Variants in HYOU1 observed in about 807,000 individuals in gnomAD.
HYOU1 encodes hypoxia up-regulated protein 1.
A neutral mutation model predicts 120.5 loss-of-function variants in HYOU1; 40 were observed. That is an observed-to-expected ratio of 0.33 (90% CI 0.26 to 0.43). The LOEUF (loss-of-function observed/expected upper bound fraction) is 0.43, where lower values mean the gene tolerates loss of function less well. Ranked by LOEUF, HYOU1 falls within the 20% of genes least tolerant of loss-of-function variation. The probability of loss-of-function intolerance (pLI) is 1.00; values close to 1 mark genes in which losing one functional copy is unlikely to be tolerated. For missense variants in HYOU1, 1,085 were observed against 1,278.3 expected (o/e 0.85, Z 2.31); for synonymous variants, 501 against 479.4 (o/e 1.05, Z -0.59).
rs191689789 is a variant in HYOU1 at position 119,046,655 on chromosome 11, G to A, written c.2743C>T (p.Arg915Trp). ...CCATTCTTGTCCTTAGGCCGGGGCC[G>A]GGGCTTGGTAAACTTGGCCTTATTG... ...LLNKAKFTKP[R>W]PRPKDKNGTR... The change falls in exon 23 of 26, where the codon CGG (arginine) becomes TGG (tryptophan). Residue 915 changes from arginine to tryptophan, a missense_variant. Arg to Trp is a moderately radical substitution (Grantham distance 101). This residue lies in a region of HYOU1 where 516 missense variants were observed against 517.1 expected (regional missense o/e 1.00). Coordinates refer to ENST00000617285, the MANE Select transcript of HYOU1 (RefSeq NM_006389.5). The A allele has an allele frequency of 1.1e-5, 18 of 1,614,182 alleles. No homozygotes were observed. Among genetic ancestry groups the A allele is most frequent in the African/African-American group, 4.0e-5 (3 of 75,056 alleles).
Position 119,051,531 on chromosome 11 carries a change from T to C in HYOU1, c.1433A>G (p.Gln478Arg). The change falls in exon 13 of 26, where the codon CAA becomes CGA. Residue 478 changes from glutamine (Q) to arginine (R), a missense_variant. Gln to Arg is a conservative substitution (Grantham distance 43). Transcript: ENST00000617285. The surrounding 1 kb of genome is among the most constrained non-coding windows in gnomAD (Gnocchi z 4.2). The part of the protein sequence containing the change: ...VLFSRMGPYP[Q>R]RKVITFNRYS... ...GCGGTTAAAGGTGATGACTTTGCGT[T>C]GAGGGTAGGGCCCCATCCGAGAGAA... is the stretch of plus-strand genomic sequence containing the variant. 2 of 1,614,170 alleles carry C rather than the reference T, an allele frequency of 1.2e-6. No homozygotes were observed. Among genetic ancestry groups the C allele is most frequent in the South Asian group, 2.2e-5 (2 of 91,074 alleles).
chr11:119,054,300 A>T, intron 7 of HYOU1, 64 bp from the exon 8 acceptor site: 1 of 1,352,754 alleles, frequency 7.4e-7, no homozygotes, highest in Non-Finnish European at 1.1e-6. Flanking sequence ...CTGCCTGCCC[A>T]CCCACCTGCT....
In HYOU1 at chr11:119,048,459, G is replaced by A. The variant is rs1164677870; in HGVS notation, c.2253+17C>T. On this transcript the variant is annotated intron_variant, in intron 19 of 25. Coordinates refer to ENST00000617285, the MANE Select transcript of HYOU1 (RefSeq NM_006389.5). The surrounding 1 kb of genome is among the most constrained non-coding windows in gnomAD (Gnocchi z 4.7). The stretch of plus-strand genomic sequence containing the variant: ...GTGTAAGCCCAGTGGGGGGGCTGCT[G>A]CCTCCTGCCCACTGACCTGGGTCTC... 1 of 1,613,440 alleles carries A rather than the reference G, an allele frequency of 6.2e-7. No homozygotes were observed. The highest frequency in any genetic ancestry group is 1.3e-5 in the African/African-American group (1 of 74,922).
In HYOU1 at chr11:119,052,451, C is replaced by T. The variant is rs1263107973; in HGVS notation, c.988-22G>A. 1.9e-6 allele frequency: 3 copies of T among 1,613,934 alleles called. No individual in the cohort carries two copies. Among genetic ancestry groups the T allele is most frequent in the Non-Finnish European group, 2.5e-6 (3 of 1,180,010 alleles). Reference sequence around the variant, plus strand: ...CAATCTGGGAGAGGATGGGGACTGTCAGGGGGTTCTTGCCCAGCTCCCGCT... The same window carrying T: ...CAATCTGGGAGAGGATGGGGACTGTTAGGGGGTTCTTGCCCAGCTCCCGCT... On this transcript the variant is annotated intron_variant, in intron 9 of 25. Coordinates refer to ENST00000617285, the MANE Select transcript of HYOU1 (RefSeq NM_006389.5). The surrounding 1 kb of genome is among the most constrained non-coding windows in gnomAD (Gnocchi z 5.0).
At chr11:119,045,935 A>G (rs1592130337) in intron 24 of HYOU1, 104 bp from the exon 25 acceptor site, 7 of 1,102,714 alleles carry the variant, frequency 6.3e-6, no homozygotes, top group Non-Finnish European at 9.5e-6. Flanking sequence ...ATATTTTAGG[A>G]TGCATGTACC....
Position 119,045,652 on chromosome 11 carries a change from G to C in HYOU1, c.2941C>G (p.Pro981Ala). ...CCTGTCGATTGTTCTTTCTGTTCAG[G>C]TTCTGTTGGGAGTTTGGGGGAGCAA... ...PLELGGPGAE[P>A]EQKEQSTGQK... Residue 981 changes from proline (P) to alanine (A), a missense_variant and splice_region_variant, in exon 26 of 26, where the codon CCT becomes GCT. This residue lies in a region of HYOU1 where 516 missense variants were observed against 517.1 expected (regional missense o/e 1.00). Transcript: ENST00000617285. 1 of 1,614,194 alleles carries C rather than the reference G, an allele frequency of 6.2e-7. No individual in the cohort carries two copies. The highest frequency in any genetic ancestry group is 1.7e-5 in the Admixed American group (1 of 60,022).
At position 119,044,802 on chromosome 11, in the gene HYOU1, A is replaced by ATC. The variant is rs1488942324; in HGVS notation, c.*790_*791insGA. ...CTGCTGGGAAGATGCAGATTATGAC[A>ATC]GAGCTTGCACGATGCTGGCACCCCA... On this transcript the variant is annotated 3_prime_UTR_variant, in exon 26 of 26. Coordinates refer to ENST00000617285, the MANE Select transcript of HYOU1 (RefSeq NM_006389.5). The ATC allele has an allele frequency of 2.5e-5, 6 of 236,334 alleles. No homozygotes were observed. Among genetic ancestry groups the ATC allele is most frequent in the African/African-American group, 1.3e-4 (6 of 45,198 alleles). 14.6% of individuals were successfully genotyped at this position (236,334 alleles called of 1,614,324 possible). A position where few individuals can be genotyped will look rare whatever the true frequency, so the allele number is the denominator to read the frequency against.
At position 119,055,576 on chromosome 11, in the gene HYOU1, G is replaced by T. The variant is rs1246921519; in HGVS notation, c.186-5C>A. 1 of 1,613,770 alleles carries T rather than the reference G, an allele frequency of 6.2e-7. No individual in the cohort carries two copies. The highest frequency in any genetic ancestry group is 1.3e-5 in the African/African-American group (1 of 74,874). ...GGTGTTTTCCTCCGAGATTCCCTGA[G>T]GAAAAGAGATTTTGGGCCCAGGTGC... On this transcript the variant is annotated splice_region_variant and splice_polypyrimidine_tract_variant and intron_variant, in intron 3 of 25. Coordinates refer to ENST00000617285, the MANE Select transcript of HYOU1 (RefSeq NM_006389.5). The surrounding 1 kb of genome is among the most constrained non-coding windows in gnomAD (Gnocchi z 4.0).
At chr11:119,053,146 A>C in intron 8 of HYOU1, 10 of 293,066 alleles carry the variant, frequency 3.4e-5, no homozygotes, top group East Asian at 7.0e-5. Context: ...AATCACACAA[A>C]TGTGAAATTA....
chr11:119,055,530 T>G lies in HYOU1; in HGVS notation c.227A>C (p.Glu76Ala). 6.2e-7 allele frequency: 1 copy of G among 1,614,140 alleles called. No individual in the cohort carries two copies. The highest frequency in any genetic ancestry group is 8.5e-7 in the Non-Finnish European group (1 of 1,180,018). The change falls in exon 4 of 26, where the codon GAA (glutamate) becomes GCA (alanine). Residue 76 changes from glutamate (E) to alanine (A), a missense_variant. This residue lies in a region of HYOU1 where 515 missense variants were observed against 677.8 expected (regional missense o/e 0.76). Transcript: ENST00000617285. This position sits in a 1 kb window ranked among gnomAD's most constrained non-coding sequence, Gnocchi z 4.0. ...RKTPVIVTLK[E>A]NERFFGDSAA... ...ACTGTCTCCAAAGAATCTTTCATTT[T>G]CTTTCAGGGTCACGATCACCGGTGT...
rs1436466286 is a variant in HYOU1 at position 119,056,090 on chromosome 11, G to A, written c.71C>T (p.Ala24Val). 1.9e-6 allele frequency: 3 copies of A among 1,613,880 alleles called. 1 individual carries two copies. Among genetic ancestry groups the A allele is most frequent in the South Asian group, 2.2e-5 (2 of 91,084 alleles). ...VCWALVAVLLADLLALSDTLA... is the reference protein window; with the variant it reads ...VCWALVAVLLVDLLALSDTLA... ...CATACCACTCAGTGCCAACAGGTCT[G>A]CCAAGAGCACAGCCACCAAGGCCCA... is the stretch of plus-strand genomic sequence containing the variant. Residue 24 changes from alanine to valine, a missense_variant, in exon 2 of 26, where the codon GCA (alanine) becomes GTA (valine). Ala to Val is a moderately conservative substitution (Grantham distance 64). Around this residue, in one of 4 missense-constraint regions of HYOU1, gnomAD observed 45 missense variants for 49.2 expected, o/e 0.91. Coordinates refer to ENST00000617285, the MANE Select transcript of HYOU1 (RefSeq NM_006389.5).
rs2133552216 is a variant in HYOU1, at chr11:119,046,673, C to T, written c.2725G>A (p.Ala909Thr). The change falls in exon 23 of 26, where the codon GCC (alanine) becomes ACC (threonine). Residue 909 changes from alanine to threonine, a missense_variant. Ala to Thr is a moderately conservative substitution (Grantham distance 58, BLOSUM62 0). Coordinates refer to ENST00000617285, the MANE Select transcript of HYOU1 (RefSeq NM_006389.5). ...CGGGGCCGGGGCTTGGTAAACTTGGCCTTATTGAGCAGATACTGCACCTCT... is the reference window on the plus strand; with the variant it reads ...CGGGGCCGGGGCTTGGTAAACTTGGTCTTATTGAGCAGATACTGCACCTCT... ...DREVQYLLNK[A>T]KFTKPRPRPK... 6.2e-7 allele frequency: 1 copy of T among 1,614,094 alleles called. No individual in the cohort carries two copies. The highest frequency in any genetic ancestry group is 8.5e-7 in the Non-Finnish European group (1 of 1,180,034).
rs2133557677 is a variant in HYOU1 at position 119,047,710 on chromosome 11, G to A, written c.2595+24C>T. 3.2e-6 allele frequency: 5 copies of A among 1,584,488 alleles called. No individual in the cohort carries two copies. In the South Asian group the frequency reaches 5.5e-5, roughly 18 times the overall value. On this transcript the variant is annotated intron_variant, in intron 22 of 25. Coordinates refer to ENST00000617285, the MANE Select transcript of HYOU1 (RefSeq NM_006389.5). ...ACCTAGGATGGCAGCTAAGTATCTG[G>A]TTAAGTATTTACGAAGTGATTACCC...
intron 25 of HYOU1, 23 bp downstream of exon 25, chr11:119,045,758 C>G (rs2133544393): frequency 6.2e-7 from 1 of 1,613,512 alleles, no homozygotes; most frequent in Non-Finnish European, 8.5e-7. Flanking sequence ...GGCTTCCCAC[C>G]GTAGCCCCGG....
At position 119,045,472 on chromosome 11, in the gene HYOU1, A is replaced by T; in HGVS notation, c.*121T>A. ...CCCCTTCTCCACACCTCCAAATCAC[A>T]GGGGTGAGAAAGGAACTCCAGCCGA... On this transcript the variant is annotated 3_prime_UTR_variant, in exon 26 of 26. Transcript: ENST00000617285. 1 of 862,212 alleles carries T rather than the reference A, an allele frequency of 1.2e-6. No individual in the cohort carries two copies. The highest frequency in any genetic ancestry group is 2.0e-6 in the Non-Finnish European group (1 of 502,860). The allele number at this position is 862,212 out of a possible 1,614,324, so 53.4% of individuals were successfully genotyped here. A position where few individuals can be genotyped will look rare whatever the true frequency, so the allele number is the denominator to read the frequency against.
rs1377208028 is a variant in HYOU1, at chr11:119,048,870, G to A, written c.2009C>T (p.Ala670Val). 2 of 1,607,618 alleles carry A rather than the reference G, an allele frequency of 1.2e-6. No homozygotes were observed. The highest frequency in any genetic ancestry group is 1.1e-5 in the South Asian group (1 of 90,328). ...AGCGACGCCCTCAGGCCCTGCCTCT[G>A]CCTTCTCACTTGGTTTCTGGGTGGG... ...KSEAQKPSEK[A>V]EAGPEGVAPA... is the part of the protein sequence containing the mutation. The change falls in exon 18 of 26, where the codon GCA becomes GTA. Residue 670 changes from alanine (A) to valine (V), a missense_variant. Around this residue, in one of 4 missense-constraint regions of HYOU1, gnomAD observed 516 missense variants for 517.1 expected, o/e 1.00. Transcript: ENST00000617285. The surrounding 1 kb of genome is among the most constrained non-coding windows in gnomAD (Gnocchi z 4.7).
intron 8 of HYOU1, 173 bp downstream of exon 8, chr11:119,053,946 CCT>C (rs1944603694): frequency 3.6e-6 from 2 of 556,636 alleles, no homozygotes; most frequent in African/African-American, 1.9e-5. Flanking sequence ...ACTGTCCTCC[CCT>C]GAGCCTCAGC....
At position 119,046,715 on chromosome 11, in the gene HYOU1, T is replaced by G; in HGVS notation, c.2683A>C (p.Met895Leu). ...TGCACCTCTCGGTCCAGGGCCATCA[T>G]CTTAGCTTCAATGTCTTTTGAGAGC... ...VLLSKDIEAK[M>L]MALDREVQYL... Residue 895 changes from methionine (M) to leucine (L), a missense_variant, in exon 23 of 26, where the codon ATG becomes CTG. Physicochemically the swap from Met to Leu is conservative, Grantham distance 15. Around this residue, in one of 4 missense-constraint regions of HYOU1, gnomAD observed 516 missense variants for 517.1 expected, o/e 1.00. Coordinates refer to ENST00000617285, the MANE Select transcript of HYOU1 (RefSeq NM_006389.5). 6.2e-7 allele frequency: 1 copy of G among 1,612,390 alleles called. No homozygotes were observed.
chr11:119,045,517 C>T lies in HYOU1; in HGVS notation c.*76G>A. 1.5e-6 allele frequency: 2 copies of T among 1,330,570 alleles called. No homozygotes were observed. 82.4% of individuals were successfully genotyped at this position (1,330,570 alleles called of 1,614,324 possible). On this transcript the variant is annotated 3_prime_UTR_variant, in exon 26 of 26. Transcript: ENST00000617285. ...AGCCGAGGGCAGGACCAACCCCTCC[C>T]CCAACCCTCGATGTTAAATAAATAG...
Sources: gnomAD v4.1 joint callset for allele counts on GRCh38, gnomAD v4.1.1 for gene constraint, gnomAD v4.1.1 regional missense constraint, Gnocchi (gnomAD v3.1) non-coding constraint, MANE v1.5 for transcripts, NCBI Gene and HGNC (gene_info 2026-07-23, HGNC 2026-07-21) for gene names.